The following BUB1B variants were observed in gnomAD, a reference collection of about 807,000 sequenced individuals.
BUB1B encodes the protein mitotic checkpoint serine/threonine-protein kinase BUB1 beta.
In BUB1B, 86 loss-of-function variants were observed where a neutral mutation model predicts 137.7. The ratio of observed to expected loss-of-function variants is 0.62; its 90% CI spans 0.52 to 0.75. The LOEUF (loss-of-function observed/expected upper bound fraction) is 0.75, where lower values mean the gene tolerates loss of function less well. Ranked by LOEUF, BUB1B falls within the 30% of genes least tolerant of loss-of-function variation. The pLI, the probability that BUB1B is intolerant of heterozygous loss-of-function variation, is 0.00. For synonymous variants in BUB1B, 420 were observed against 417.9 expected, an observed-to-expected ratio of 1.00 and a Z score of -0.06; for missense variants, 1,130 against 1,236.9, an observed-to-expected ratio of 0.91 and a Z score of 1.30.
At chr15:40,212,457 T>C in intron 18 of BUB1B, 42 bp from the exon 19 acceptor site, 2 of 1,545,688 alleles carry the variant, frequency 1.3e-6, no homozygotes, top group Non-Finnish European at 8.9e-7. Context: ...GCCATAACCA[T>C]AGACTTAACT....
chr15:40,200,257 T>C lies in BUB1B; in HGVS notation c.1415T>C (p.Met472Thr). The C allele has an allele frequency of 4.3e-6, 7 of 1,613,066 alleles. No homozygotes were observed. The highest frequency in any genetic ancestry group is 5.9e-6 in the Non-Finnish European group (7 of 1,179,184). ...TAATGCAAACAGCAAGAAGAGACGATGCCTACAAAGGAGACAACTAAACTG... is the reference window on the plus strand; with the variant it reads ...TAATGCAAACAGCAAGAAGAGACGACGCCTACAAAGGAGACAACTAAACTG... Reference protein sequence around the residue: ...ERTGDQQEETMPTKETTKLQI... With the variant: ...ERTGDQQEETTPTKETTKLQI... The change falls in exon 11 of 23, where the codon ATG becomes ACG. Residue 472 changes from methionine (M) to threonine (T), a missense_variant. By Grantham distance (81) the Met-to-Thr change is moderately conservative. Coordinates refer to ENST00000287598, the MANE Select transcript of BUB1B (RefSeq NM_001211.6).
intron 9 of BUB1B, among the ~76,000 whole-genome samples, chr15:40,197,481 T>C (rs560304343): frequency 3.8e-4 from 58 of 152,144 alleles, no homozygotes; most frequent in Middle Eastern, 3.4e-3. Context: ...TAAAGAAGGG[T>C]ACAGAAAATG....
intron 4 of BUB1B, among the ~76,000 whole-genome samples, chr15:40,171,118 A>G (rs756530557): frequency 1.3e-5 from 2 of 151,978 alleles, no homozygotes; most frequent in Non-Finnish European, 2.9e-5. Flanking sequence ...TTAATTTTTA[A>G]TAGAGATGAC....
chr15:40,180,247 G>GTTT (rs1566818628), intron 5 of BUB1B, among the ~76,000 whole-genome samples: 2 of 108,846 alleles, frequency 1.8e-5, no homozygotes, highest in Non-Finnish European at 3.5e-5. Flanking sequence ...TCAACGTTTC[G>GTTT]TTTCTTTTTT....
chr15:40,182,142 T>G (rs990275002), intron 5 of BUB1B, among the ~76,000 whole-genome samples: 2 of 152,218 alleles, frequency 1.3e-5, no homozygotes, highest in African/African-American at 4.8e-5. Flanking sequence ...AGGCAGAGGT[T>G]GTAGTGAGCC....
Position 40,202,403 on chromosome 15 carries a change from A to G in BUB1B, c.1568-2A>G. 2 of 1,604,016 alleles carry G rather than the reference A, an allele frequency of 1.2e-6. No homozygotes were observed. Among genetic ancestry groups the G allele is most frequent in the Non-Finnish European group, 8.5e-7 (1 of 1,172,612 alleles). On this transcript the variant is annotated splice_acceptor_variant, in intron 12 of 22. Transcript: ENST00000287598. LOFTEE classifies it high-confidence loss of function. The stretch of plus-strand genomic sequence containing the variant: ...GTATGTATCTAGTCTCTCTTTCTCT[A>G]GGTCCCAGTGTACCTTTCTCCATTT...
intron 14 of BUB1B, among the ~76,000 whole-genome samples, chr15:40,204,440 C>T (rs1175724088): frequency 7.0e-6 from 1 of 143,806 alleles, no homozygotes. Context: ...CTTCATTTAC[C>T]TTTTTTTTTT....
chr15:40,207,410 C>T (rs931976353), intron 15 of BUB1B, among the ~76,000 whole-genome samples: 11 of 151,958 alleles, frequency 7.2e-5, no homozygotes, highest in Admixed American at 2.0e-4. Context: ...TGAAGACCAG[C>T]CTGGTCAACA....
intron 5 of BUB1B, among the ~76,000 whole-genome samples, chr15:40,182,998 T>C (rs1265641556): frequency 6.6e-6 from 1 of 152,110 alleles, no homozygotes; most frequent in Non-Finnish European, 1.5e-5. Flanking sequence ...TTCCTATCAG[T>C]GAGAGAAAGA....
chr15:40,164,113 A>G (rs922912189), intron 1 of BUB1B, among the ~76,000 whole-genome samples: 1 of 152,214 alleles, frequency 6.6e-6, no homozygotes, highest in Non-Finnish European at 1.5e-5. Flanking sequence ...GATGCAGGGA[A>G]TTGTGACTAG....
intron 2 of BUB1B, chr15:40,166,390 A>G: frequency 2.4e-6 from 1 of 424,378 alleles, no homozygotes; most frequent in Non-Finnish European, 4.6e-6. Flanking sequence ...GCCAGGCTGG[A>G]GTGCAGTGGC....
rs999773545 is a variant in BUB1B at position 40,165,085 on chromosome 15, A to T, written c.68A>T (p.Glu23Val). 1 of 1,614,202 alleles carries T rather than the reference A, an allele frequency of 6.2e-7. No individual in the cohort carries two copies. Among genetic ancestry groups the T allele is most frequent in the Non-Finnish European group, 8.5e-7 (1 of 1,180,036 alleles). The change falls in exon 2 of 23, where the codon GAA (glutamate) becomes GTA (valine). Residue 23 changes from glutamate (E) to valine (V), a missense_variant. Transcript: ENST00000287598. ...ATGTCCCTGGAGGGAGATGAATGGG[A>T]ACTGAGTAAAGAAAATGTACAACCT... The part of the protein sequence containing the change: ...EAMSLEGDEW[E>V]LSKENVQPLR...
intron 2 of BUB1B, among the ~76,000 whole-genome samples, chr15:40,165,901 G>A (rs1362090381): frequency 1.1e-4 from 16 of 150,340 alleles, no homozygotes. Flanking sequence ...CACCCAGGTT[G>A]GAGTACAGTG....
chr15:40,194,145 G>C (rs1294427326), intron 8 of BUB1B, among the ~76,000 whole-genome samples: 1 of 151,952 alleles, frequency 6.6e-6, no homozygotes, highest in Non-Finnish European at 1.5e-5. Context: ...TTTACATGCT[G>C]CCTTGAGATG....
At chr15:40,190,147 T>TA (rs2037417827) in intron 8 of BUB1B, among the ~76,000 whole-genome samples, 1 of 152,262 alleles carries the variant, frequency 6.6e-6, no homozygotes, top group African/African-American at 2.4e-5. Flanking sequence ...TACTATGTTT[T>TA]ATCTTATACA....
intron 15 of BUB1B, 89 bp from the exon 16 acceptor site, chr15:40,208,548 A>G: frequency 7.4e-7 from 1 of 1,351,970 alleles, no homozygotes; most frequent in Non-Finnish European, 1.0e-6. Context: ...CAAAAAAAAG[A>G]AAAATGTATA....
At chr15:40,218,219 T>G (rs898185187) in intron 21 of BUB1B, among the ~76,000 whole-genome samples, 2 of 152,234 alleles carry the variant, frequency 1.3e-5, no homozygotes, top group African/African-American at 4.8e-5. Flanking sequence ...AATTTGAATG[T>G]GATAGTCCAA....
At position 40,212,601 on chromosome 15, in the gene BUB1B, G is replaced by A; in HGVS notation, c.2488G>A (p.Asp830Asn). 2 of 1,613,756 alleles carry A rather than the reference G, an allele frequency of 1.2e-6. No individual in the cohort carries two copies. Among genetic ancestry groups the A allele is most frequent in the Non-Finnish European group, 1.7e-6 (2 of 1,179,862 alleles). ...DHFCSCYQYQ[D>N]GCIVWHQYIN... ...TTTTTGCAGCTGTTATCAATATCAA[G>A]ATGGCTGTATTGTTTGGCACCAATA... Residue 830 changes from aspartate to asparagine, a missense_variant, in exon 19 of 23, where the codon GAT becomes AAT. By Grantham distance (23) the Asp-to-Asn change is conservative. Coordinates refer to ENST00000287598, the MANE Select transcript of BUB1B (RefSeq NM_001211.6).
intron 8 of BUB1B, among the ~76,000 whole-genome samples, chr15:40,191,910 TTTGAAATTGA>T (rs988283233): frequency 9.2e-5 from 14 of 152,218 alleles, no homozygotes; most frequent in African/African-American, 2.7e-4. Flanking sequence ...TGTAGTAACT[TTTGAAATTGA>T]GAAGGATGAA....
Sources: gnomAD v4.1 joint callset for allele counts (sites outside exome capture counted in the v4.1 genomes callset) on GRCh38, gnomAD v4.1.1 for gene constraint, MANE v1.5 for transcripts, NCBI Gene and HGNC (gene_info 2026-07-23, HGNC 2026-07-21) for gene names.